SMARCC2: variants seen among roughly 807,000 people sequenced by gnomAD.
SMARCC2 encodes the protein SWI/SNF complex subunit SMARCC2.
In SMARCC2, 15 loss-of-function variants were observed where a neutral mutation model predicts 151.3. The ratio of observed to expected loss-of-function variants is 0.10; its 90% CI spans 0.07 to 0.15. SMARCC2 has a LOEUF of 0.15. SMARCC2 is among the 10% of genes least tolerant of loss of function. SMARCC2 has a pLI of 1.00. For synonymous variants in SMARCC2, 590 were observed against 609.5 expected (o/e 0.97, Z 0.47); for missense variants, 1,031 against 1,599.7 (o/e 0.64, Z 6.06).
chr12:56,164,567 G>C lies in SMARCC2; in HGVS notation c.3397C>G (p.Leu1133Val), dbSNP rs77238054. 415 of 1,613,984 alleles carry C rather than the reference G, an allele frequency of 2.6e-4. 1 individual carries two copies. The highest frequency in any genetic ancestry group is 3.4e-4 in the Non-Finnish European group (405 of 1,180,000). Residue 1133 changes from leucine (L) to valine (V), a missense_variant, in exon 28 of 29, where the codon CTA becomes GTA. Leu to Val is a conservative substitution (Grantham distance 32, BLOSUM62 1). This residue lies in a region of SMARCC2 where 310 missense variants were observed against 350.0 expected (regional missense o/e 0.89). Transcript: ENST00000550164. ...AGGTTAATACTGATGGAGTCAGCTA[G>C]ACTACCAAATGGGATGATGGATGGA... ...PAPSIIPFGS[L>V]ADSISINLPA...
chr12:56,185,446 G>A lies in SMARCC2; in HGVS notation c.318-335C>T, dbSNP rs1344839387. ...GATCCACCTGCCTCGGCCTCCCAAAGTGCTGGGATTACAGGCATGAGCCAC... is the reference window on the plus strand; with the variant it reads ...GATCCACCTGCCTCGGCCTCCCAAAATGCTGGGATTACAGGCATGAGCCAC... On this transcript the variant is annotated intron_variant, in intron 3 of 28. Transcript: ENST00000550164. 3 of 268,352 alleles carry A rather than the reference G, an allele frequency of 1.1e-5. No individual in the cohort carries two copies. In the Admixed American group the frequency reaches 1.5e-4, roughly 13 times the overall value. 16.6% of individuals were successfully genotyped at this position (268,352 alleles called of 1,614,324 possible).
chr12:56,177,660 T>C (rs569945417), intron 15 of SMARCC2, among the ~76,000 whole-genome samples: 25 of 151,560 alleles, frequency 1.6e-4, no homozygotes, highest in African/African-American at 6.1e-4. Context: ...ACCAGCCTGG[T>C]AATAGTAATT....
At chr12:56,178,956 C>T (rs774313049) in intron 12 of SMARCC2, 41 bp downstream of exon 12, 31 of 1,610,260 alleles carry the variant, frequency 1.9e-5, no homozygotes, top group Non-Finnish European at 2.5e-5. Flanking sequence ...CCTCCCCTTC[C>T]CTTGGCTCTG....
intron 26 of SMARCC2, 61 bp downstream of exon 26, chr12:56,167,998 AC>A: frequency 7.5e-7 from 1 of 1,325,720 alleles, no homozygotes; most frequent in East Asian, 2.4e-5. Context: ...ACACACACAC[AC>A]GCCCCTCCGA....
intron 11 of SMARCC2, 21 bp downstream of exon 11, chr12:56,180,956 G>C (rs954753767): frequency 2.5e-6 from 4 of 1,600,428 alleles, no homozygotes; most frequent in Non-Finnish European, 8.5e-7. Flanking sequence ...GTGGATCCCA[G>C]GAGCTCAGCC....
chr12:56,188,620 G>A (rs554004547), intron 1 of SMARCC2, among the ~76,000 whole-genome samples: 2 of 152,272 alleles, frequency 1.3e-5, no homozygotes, highest in African/African-American at 2.4e-5. Context: ...GGTGTGAGGG[G>A]CTAGAGATAG....
Position 56,182,086 on chromosome 12 carries a change from T to A in SMARCC2, c.633-7A>T. ...TGGGATCCACGTGTCGTAACTGCCA[T>A]GGGAAATTGAGCACACAGTAGAATC... is the stretch of plus-strand genomic sequence containing the variant. On this transcript the variant is annotated splice_polypyrimidine_tract_variant and splice_region_variant and intron_variant, in intron 7 of 28. Coordinates refer to ENST00000550164, the MANE Select transcript of SMARCC2 (RefSeq NM_001330288.2). 1.2e-6 allele frequency: 2 copies of A among 1,606,346 alleles called. No individual in the cohort carries two copies. Among genetic ancestry groups the A allele is most frequent in the South Asian group, 2.2e-5 (2 of 90,628 alleles).
intron 3 of SMARCC2, 113 bp from the exon 4 acceptor site, chr12:56,185,224 G>C: frequency 1.2e-6 from 1 of 825,332 alleles, no homozygotes; most frequent in Non-Finnish European, 2.0e-6. Context: ...TGTCACCTAG[G>C]CTGGAGTGCA....
chr12:56,167,844 C>A (rs925040517), intron 26 of SMARCC2, among the ~76,000 whole-genome samples: 9 of 151,498 alleles, frequency 5.9e-5, no homozygotes, highest in African/African-American at 2.2e-4. Flanking sequence ...GCTTTGAAGC[C>A]CTGTCTGTCT....
intron 28 of SMARCC2, 119 bp downstream of exon 28, chr12:56,164,184 G>C: frequency 1.1e-6 from 1 of 897,102 alleles, no homozygotes; most frequent in Non-Finnish European, 1.7e-6. Context: ...AATTTTACCA[G>C]AGTGTTCAAA....
chr12:56,182,339 TAC>T lies in SMARCC2; in HGVS notation c.633-262_633-261del, dbSNP rs1876384778. 3.3e-5 allele frequency among the ~76,000 whole-genome samples: 5 copies of T among 151,612 alleles called. No homozygotes were observed. The South Asian group carries it at 1.0e-3, about 32-fold the overall frequency. On this transcript the variant is annotated intron_variant, in intron 7 of 28. Transcript: ENST00000550164. ...CACAGTAATTTTTTTTTTTTTTTGA[TAC>T]AGAGTCTTGCTCTTGCTCTGTCACC...
chr12:56,166,201 G>C (rs1484815699), intron 26 of SMARCC2, among the ~76,000 whole-genome samples: 1 of 152,114 alleles, frequency 6.6e-6, no homozygotes, highest in East Asian at 1.9e-4. Context: ...GAGTACAGTA[G>C]CGTGATCTCA....
chr12:56,166,387 G>C (rs1433464792), intron 26 of SMARCC2, among the ~76,000 whole-genome samples: 1 of 151,912 alleles, frequency 6.6e-6, no homozygotes, highest in African/African-American at 2.4e-5. Flanking sequence ...CCTTGATCTC[G>C]TGATCCACCT....
intron 11 of SMARCC2, among the ~76,000 whole-genome samples, chr12:56,180,010 T>C (rs1016692710): frequency 1.3e-5 from 2 of 152,016 alleles, no homozygotes; most frequent in African/African-American, 4.8e-5. Flanking sequence ...TTATCATTCT[T>C]TACATTTTTC....
chr12:56,188,278 A>G (rs1877655055), intron 1 of SMARCC2, among the ~76,000 whole-genome samples: 1 of 152,172 alleles, frequency 6.6e-6, no homozygotes, highest in Non-Finnish European at 1.5e-5. Context: ...GAGACATGCC[A>G]TAGAAATAGC....
chr12:56,179,801 C>A (rs1267051375), intron 11 of SMARCC2, among the ~76,000 whole-genome samples: 1 of 152,140 alleles, frequency 6.6e-6, no homozygotes, highest in Non-Finnish European at 1.5e-5. Context: ...ATTCTCCTGC[C>A]TCAGCCTCCC....
chr12:56,169,042 C>G (rs1201981552), intron 25 of SMARCC2, among the ~76,000 whole-genome samples: 1 of 152,080 alleles, frequency 6.6e-6, no homozygotes, highest in Non-Finnish European at 1.5e-5. Context: ...GCCTGTAATT[C>G]CAGCAGTTTG....
chr12:56,181,933 T>C, intron 8 of SMARCC2, 71 bp downstream of exon 8: 2 of 1,588,598 alleles, frequency 1.3e-6, no homozygotes, highest in South Asian at 2.2e-5. Context: ...TACAAGCCTC[T>C]GTTTCACTTC....
chr12:56,179,082 CA>C, intron 11 of SMARCC2, 26 bp from the exon 12 acceptor site: 1 of 1,611,216 alleles, frequency 6.2e-7, no homozygotes, highest in Non-Finnish European at 8.5e-7. Context: ...GTCATTTTAT[CA>C]GACAGATTTT....
Sources: allele counts gnomAD v4.1 joint callset (sites outside exome capture counted in the v4.1 genomes callset), GRCh38; gene constraint gnomAD v4.1.1; regional missense constraint gnomAD v4.1.1; transcripts MANE v1.5; gene names NCBI Gene and HGNC (gene_info 2026-07-23, HGNC 2026-07-21).